Variants in ADGRB3 observed in about 807,000 individuals in gnomAD.
The protein encoded by ADGRB3 is adhesion G protein-coupled receptor B3, also known as brain-specific angiogenesis inhibitor 3.
ADGRB3 carries 37 observed loss-of-function variants against 193.4 expected under a neutral mutation model. That is an observed-to-expected ratio of 0.19 (90% CI 0.15 to 0.25). The LOEUF (loss-of-function observed/expected upper bound fraction) is 0.25, where lower values mean the gene tolerates loss of function less well. Among genes scored for constraint, ADGRB3 ranks in the 10% least tolerant of loss-of-function variants. The pLI is 1.00. For missense variants in ADGRB3, 1,637 were observed against 1,852.9 expected (o/e 0.88, Z 2.14); for synonymous variants, 690 against 644.2 (o/e 1.07, Z -1.08).
intron 27 of ADGRB3, among the ~76,000 whole-genome samples, chr6:69,354,618 G>T (rs1457207291): frequency 1.3e-5 from 2 of 152,198 alleles, no homozygotes; most frequent in African/African-American, 4.8e-5. Context: ...ATAGGATCAT[G>T]TGGATGTCTT....
intron 3 of ADGRB3, among the ~76,000 whole-genome samples, chr6:68,655,063 C>T (rs1309820814): frequency 2.6e-5 from 4 of 151,050 alleles, no homozygotes; most frequent in African/African-American, 9.7e-5. Flanking sequence ...GTCTCACATT[C>T]TCTTTGATCA....
Position 69,049,287 on chromosome 6 carries a change from TG to T in ADGRB3, c.2275del (p.Val759TyrfsTer12). On this transcript the variant is annotated frameshift_variant, in exon 15 of 32. Coordinates refer to ENST00000370598, the MANE Select transcript of ADGRB3 (RefSeq NM_001704.3). LOFTEE classifies it high-confidence loss of function. ...TCTTTCTAGAATTAGATGAATCATCTGTATTTGTTCTTGGCGCAGTCCTATA... is the reference window on the plus strand; with the variant it reads ...TCTTTCTAGAATTAGATGAATCATCTTATTTGTTCTTGGCGCAGTCCTATA... ...VSSKELDESS[V>X]FVLGAVLYKN... 1 of 1,605,368 alleles carries T rather than the reference TG, an allele frequency of 6.2e-7. No homozygotes were observed. The highest frequency in any genetic ancestry group is 1.7e-5 in the Admixed American group (1 of 59,280).
rs368953316 is a variant in ADGRB3 at position 69,296,690 on chromosome 6, A to T, written c.2815-28182A>T. Among the ~76,000 whole-genome samples the T allele has an allele frequency of 1.2e-4, 19 of 152,156 alleles. No homozygotes were observed. The East Asian group carries it at 1.5e-3, about 12-fold the overall frequency. On this transcript the variant is annotated intron_variant, in intron 20 of 31. Coordinates refer to ENST00000370598, the MANE Select transcript of ADGRB3 (RefSeq NM_001704.3). ...AATTCTCCTTACTTACCAAGCTTTT[A>T]TTTCAAAATATATTCCTTTGAATTA...
intron 17 of ADGRB3, among the ~76,000 whole-genome samples, chr6:69,197,390 A>C (rs1765323902): frequency 6.6e-6 from 1 of 151,080 alleles, no homozygotes; most frequent in Non-Finnish European, 1.5e-5. Flanking sequence ...ATTTAAAGCA[A>C]AGTGTGCTTC....
intron 17 of ADGRB3, among the ~76,000 whole-genome samples, chr6:69,182,418 A>G (rs939718862): frequency 6.6e-6 from 1 of 151,948 alleles, no homozygotes; most frequent in Admixed American, 6.6e-5. Context: ...GAAAAAAAAA[A>G]AAACAGAAGG....
At chr6:69,077,819 C>T (rs987986227) in intron 17 of ADGRB3, among the ~76,000 whole-genome samples, 1 of 151,942 alleles carries the variant, frequency 6.6e-6, no homozygotes, top group Non-Finnish European at 1.5e-5. Flanking sequence ...AAGATAATCT[C>T]AAGGGATTGG....
At chr6:69,224,211 A>G (rs1436613964) in intron 17 of ADGRB3, among the ~76,000 whole-genome samples, 1 of 152,102 alleles carries the variant, frequency 6.6e-6, no homozygotes, top group Non-Finnish European at 1.5e-5. Flanking sequence ...TAGAGTCAGG[A>G]AGTGAGCTAG....
chr6:68,811,858 G>A (rs960411052), intron 3 of ADGRB3, among the ~76,000 whole-genome samples: 1 of 151,976 alleles, frequency 6.6e-6, no homozygotes, highest in Non-Finnish European at 1.5e-5. Flanking sequence ...ATGATAGAGA[G>A]ATATAGATAG....
chr6:69,080,825 A>G (rs561491993), intron 17 of ADGRB3, among the ~76,000 whole-genome samples: 3 of 152,164 alleles, frequency 2.0e-5, no homozygotes, highest in South Asian at 4.1e-4. Context: ...TCTGTTTAGT[A>G]CATGTTAACA....
At chr6:69,383,654 G>A (rs1403399041) in intron 31 of ADGRB3, among the ~76,000 whole-genome samples, 1 of 151,904 alleles carries the variant, frequency 6.6e-6, no homozygotes, top group Non-Finnish European at 1.5e-5. Context: ...ACCCAACTCA[G>A]GTTTCTAAAC....
intron 17 of ADGRB3, among the ~76,000 whole-genome samples, chr6:69,093,373 C>T (rs534066512): frequency 1.3e-5 from 2 of 151,408 alleles, no homozygotes; most frequent in South Asian, 4.2e-4. Flanking sequence ...AGGTAGTGGG[C>T]ATCTTAGATT....
chr6:69,366,804 A>C (rs1302671865), intron 29 of ADGRB3, among the ~76,000 whole-genome samples: 1 of 152,142 alleles, frequency 6.6e-6, no homozygotes, highest in Non-Finnish European at 1.5e-5. Context: ...TCTTTTGAAC[A>C]CTTTTGGCTG....
intron 20 of ADGRB3, among the ~76,000 whole-genome samples, chr6:69,277,517 C>T (rs1370557879): frequency 1.3e-5 from 2 of 152,090 alleles, no homozygotes; most frequent in African/African-American, 2.4e-5. Flanking sequence ...GAGATCCCAT[C>T]GATTTGTAGA....
At chr6:68,732,006 G>A (rs985631334) in intron 3 of ADGRB3, among the ~76,000 whole-genome samples, 1 of 151,508 alleles carries the variant, frequency 6.6e-6, no homozygotes, top group Non-Finnish European at 1.5e-5. Context: ...ACCTGCATGA[G>A]TATATTTAAC....
chr6:69,172,175 G>C (rs1036122978), intron 17 of ADGRB3, among the ~76,000 whole-genome samples: 3 of 151,974 alleles, frequency 2.0e-5, no homozygotes, highest in Non-Finnish European at 4.4e-5. Flanking sequence ...TTATATGAGA[G>C]GAATAAATGT....
chr6:69,082,862 A>G (rs1336931125), intron 17 of ADGRB3, among the ~76,000 whole-genome samples: 3 of 152,128 alleles, frequency 2.0e-5, no homozygotes, highest in Non-Finnish European at 4.4e-5. Context: ...ACTATTGGTG[A>G]GAATTCTTTG....
chr6:68,877,874 G>C (rs1765635149), intron 3 of ADGRB3, among the ~76,000 whole-genome samples: 1 of 151,772 alleles, frequency 6.6e-6, no homozygotes, highest in African/African-American at 2.4e-5. Flanking sequence ...CTCCTATCTT[G>C]TTTTCTTTTT....
chr6:68,802,141 G>T (rs1174351834), intron 3 of ADGRB3, among the ~76,000 whole-genome samples: 1 of 151,904 alleles, frequency 6.6e-6, no homozygotes, highest in East Asian at 1.9e-4. Flanking sequence ...TCAAATCCCA[G>T]GCTATTTCCT....
At chr6:69,192,766 C>A (rs867782780) in intron 17 of ADGRB3, among the ~76,000 whole-genome samples, 111 of 152,148 alleles carry the variant, frequency 7.3e-4, no homozygotes, top group African/African-American at 2.6e-3. Context: ...ATTCATTAAA[C>A]ATATATTTTT....
Sources: allele counts gnomAD v4.1 joint callset (sites outside exome capture counted in the v4.1 genomes callset), GRCh38; gene constraint gnomAD v4.1.1; transcripts MANE v1.5; gene names NCBI Gene and HGNC (gene_info 2026-07-23, HGNC 2026-07-21).